SUMO3: variants seen among roughly 807,000 people sequenced by gnomAD.
SUMO3 encodes small ubiquitin like modifier 3, also known as small ubiquitin-related modifier 3.
SUMO3 carries 2 observed loss-of-function variants against 11.1 expected under a neutral mutation model. The ratio of observed to expected loss-of-function variants is 0.18; its 90% CI spans 0.07 to 0.57. The LOEUF (loss-of-function observed/expected upper bound fraction) is 0.57. SUMO3 is among the 20% of genes least tolerant of loss of function. The pLI, the probability that SUMO3 is intolerant of heterozygous loss-of-function variation, is 0.92. For synonymous variants in SUMO3, 56 were observed against 53.5 expected, an observed-to-expected ratio of 1.05 and a Z score of -0.20; for missense variants, 70 against 132.8, an observed-to-expected ratio of 0.53 and a Z score of 2.32.
At chr21:44,812,759 G>C (rs927336237) in intron 2 of SUMO3, among the ~76,000 whole-genome samples, 1 of 151,944 alleles carries the variant, frequency 6.6e-6, no homozygotes, top group Non-Finnish European at 1.5e-5. Flanking sequence ...GAAGGGCAGA[G>C]CCCCCCCCAC....
rs2083185101 is a variant in SUMO3 at position 44,807,567 on chromosome 21, C to A, written c.223-527G>T. Among the ~76,000 whole-genome samples the A allele has an allele frequency of 6.6e-6, 1 of 152,058 alleles. No individual in the cohort carries two copies. Among genetic ancestry groups the A allele is most frequent in the Non-Finnish European group, 1.5e-5 (1 of 67,992 alleles). The stretch of plus-strand genomic sequence containing the variant: ...AAAGCCCAGGCAAGGTAGTGAAACA[C>A]CCCCGCTCACTTCTCTCCTCCTGAC... On this transcript the variant is annotated intron_variant, in intron 3 of 3. Transcript: ENST00000332859. The surrounding 1 kb of genome is among the most constrained non-coding windows in gnomAD (Gnocchi z 4.3).
chr21:44,809,538 C>G (rs906504128), intron 2 of SUMO3, among the ~76,000 whole-genome samples: 3 of 152,232 alleles, frequency 2.0e-5, no homozygotes, highest in Non-Finnish European at 4.4e-5. Flanking sequence ...AGAAGGAAAG[C>G]CGACTTACAT....
chr21:44,817,490 C>T (rs1016142700), intron 1 of SUMO3, among the ~76,000 whole-genome samples: 26 of 151,934 alleles, frequency 1.7e-4, no homozygotes, highest in African/African-American at 5.8e-4. Context: ...CGAGCCGACT[C>T]CGTGCACTCG....
rs780800537 is a variant in SUMO3, at chr21:44,806,864, C to A, written c.*87G>T. ...ATCGTGGTGAATGTCCTCGAGTTTC[C>A]GCAGACACCTTTGTGGTCGGCATGG... On this transcript the variant is annotated 3_prime_UTR_variant, in exon 4 of 4. Transcript: ENST00000332859. 5.8e-6 allele frequency: 9 copies of A among 1,561,158 alleles called. No individual in the cohort carries two copies. Among genetic ancestry groups the A allele is most frequent in the African/African-American group, 1.4e-5 (1 of 73,466 alleles).
Position 44,814,102 on chromosome 21 carries a change from C to T in SUMO3, c.24G>A (p.Glu8=), listed in dbSNP as rs1569309249. 6.2e-7 allele frequency: 1 copy of T among 1,613,126 alleles called. No homozygotes were observed. The highest frequency in any genetic ancestry group is 8.5e-7 in the Non-Finnish European group (1 of 1,179,310). MSEEKPK[E]GVKTENDHIN... ...TGTGGTCATTCTCTGTCTTCACACC[C>T]TCCTGCAGAAGACACCAGAGACTGG... The change falls in exon 2 of 4, where the codon GAG becomes GAA. Residue 8 remains glutamate, a splice_region_variant and synonymous_variant. Coordinates refer to ENST00000332859, the MANE Select transcript of SUMO3 (RefSeq NM_006936.3).
At chr21:44,813,535 G>A (rs887950056) in intron 2 of SUMO3, 12 of 384,546 alleles carry the variant, frequency 3.1e-5, no homozygotes, top group Non-Finnish European at 5.2e-5. Flanking sequence ...AAACCACACC[G>A]CACATGAGGG....
At chr21:44,808,610 C>A in intron 3 of SUMO3, 1 of 1,367,752 alleles carries the variant, frequency 7.3e-7, no homozygotes, top group Non-Finnish European at 9.5e-7. Flanking sequence ...TCTGCATGTG[C>A]CTGAGAGAAA....
Position 44,813,489 on chromosome 21 carries a change from A to C in SUMO3, c.150+487T>G, listed in dbSNP as rs111608199. On this transcript the variant is annotated intron_variant, in intron 2 of 3. Transcript: ENST00000332859. ...CTGAAACTGGGGAAGAAGGGGAAAG[A>C]ATCACGCGCTTTCTTGCCTTTCCTA... is the stretch of plus-strand genomic sequence containing the variant. 1.1e-3 allele frequency: 304 copies of C among 269,764 alleles called. 1 individual carries two copies. Among genetic ancestry groups the C allele is most frequent in the African/African-American group, 5.8e-3 (271 of 46,768 alleles). The allele number at this position is 269,764 out of a possible 1,614,324, so 16.7% of individuals were successfully genotyped here.
rs1389690026 is a variant in SUMO3 at position 44,806,146 on chromosome 21, C to T, written c.*805G>A. On this transcript the variant is annotated 3_prime_UTR_variant, in exon 4 of 4. Transcript: ENST00000332859. ...TACTAGAAGAAATCTGAGGCCACAACACCATTACCAAATGAGAAATGTGGG... is the reference window on the plus strand; with the variant it reads ...TACTAGAAGAAATCTGAGGCCACAATACCATTACCAAATGAGAAATGTGGG... 1 of 152,140 alleles carries T rather than the reference C, an allele frequency of 6.6e-6. No individual in the cohort carries two copies. Among genetic ancestry groups the T allele is most frequent in the African/African-American group, 2.4e-5 (1 of 41,400 alleles). 9.4% of individuals were successfully genotyped at this position (152,140 alleles called of 1,614,324 possible).
chr21:44,814,206 A>G, intron 1 of SUMO3, 102 bp from the exon 2 acceptor site: 1 of 1,451,648 alleles, frequency 6.9e-7, no homozygotes, highest in Non-Finnish European at 9.4e-7. Flanking sequence ...AAAGTCATCA[A>G]AACCAACCTA....
chr21:44,814,139 T>C, intron 1 of SUMO3, 35 bp from the exon 2 acceptor site: 1 of 1,595,160 alleles, frequency 6.3e-7, no homozygotes, highest in Non-Finnish European at 8.6e-7. Flanking sequence ...CTCAAAACTG[T>C]GTCTCAAAAT....
Position 44,807,035 on chromosome 21 carries a change from C to A in SUMO3, c.228G>T (p.Glu76Asp). The A allele has an allele frequency of 6.2e-7, 1 of 1,613,922 alleles. No individual in the cohort carries two copies. The highest frequency in any genetic ancestry group is 1.7e-5 in the Admixed American group (1 of 60,018). The change falls in exon 4 of 4, where the codon GAG (glutamate) becomes GAT (aspartate). Residue 76 changes from glutamate to aspartate, a missense_variant. By Grantham distance (45) the Glu-to-Asp change is conservative. Coordinates refer to ENST00000332859, the MANE Select transcript of SUMO3 (RefSeq NM_006936.3). This position sits in a 1 kb window ranked among gnomAD's most constrained non-coding sequence, Gnocchi z 4.3. ...INETDTPAQL[E>D]MEDEDTIDVF... Reference sequence around the variant, plus strand: ...CGTCGATGGTGTCCTCGTCCTCCATCTCCAGCTGTCATGGTTGTCACAACA... The same window carrying A: ...CGTCGATGGTGTCCTCGTCCTCCATATCCAGCTGTCATGGTTGTCACAACA...
In SUMO3 at chr21:44,811,059, CACAT is replaced by C. The variant is rs1297132996; in HGVS notation, c.151-1945_151-1942del. Among the ~76,000 whole-genome samples, 1 of 149,248 alleles carries C rather than the reference CACAT, an allele frequency of 6.7e-6. No individual in the cohort carries two copies. Among genetic ancestry groups the C allele is most frequent in the Non-Finnish European group, 1.5e-5 (1 of 67,098 alleles). ...CCACATACACACACGCACACACCCA[CACAT>C]ACACACACACGAATGCACACATGCA... On this transcript the variant is annotated intron_variant, in intron 2 of 3. Transcript: ENST00000332859. The surrounding 1 kb of genome is among the most constrained non-coding windows in gnomAD (Gnocchi z 5.0).
rs1569308272 is a variant in SUMO3 at position 44,811,039 on chromosome 21, T to TACACACACGCACACACCCACAC, written c.151-1943_151-1922dup. 1.3e-5 allele frequency among the ~76,000 whole-genome samples: 1 copy of TACACACACGCACACACCCACAC among 76,790 alleles called. No individual in the cohort carries two copies. Among genetic ancestry groups the TACACACACGCACACACCCACAC allele is most frequent in the East Asian group, 3.3e-4 (1 of 3,042 alleles). 50.4% of individuals were successfully genotyped at this position (76,790 alleles called of 152,430 possible). ...ATATGCACACACGCACACACCCACA[T>TACACACACGCACACACCCACAC]ACACACACGCACACACCCACACATA... On this transcript the variant is annotated intron_variant, in intron 2 of 3. Coordinates refer to ENST00000332859, the MANE Select transcript of SUMO3 (RefSeq NM_006936.3). This position sits in a 1 kb window ranked among gnomAD's most constrained non-coding sequence, Gnocchi z 5.0.
intron 1 of SUMO3, among the ~76,000 whole-genome samples, chr21:44,814,676 C>T (rs1421571189): frequency 1.3e-5 from 2 of 152,218 alleles, no homozygotes; most frequent in Non-Finnish European, 2.9e-5. Flanking sequence ...GTGGTGATTT[C>T]GGGAATCCAA....
intron 3 of SUMO3, chr21:44,808,373 A>T: frequency 3.6e-6 from 2 of 559,526 alleles, no homozygotes; most frequent in Non-Finnish European, 5.8e-6. Flanking sequence ...ATTAGCCGGG[A>T]GTGGTGGTGG....
intron 3 of SUMO3, 150 bp downstream of exon 3, chr21:44,808,897 A>C: frequency 1.3e-6 from 1 of 744,942 alleles, no homozygotes. Context: ...TTAAATTTAA[A>C]ATGTGAAAAA....
At chr21:44,813,569 AGCTCATAC>A (rs2083225642) in intron 2 of SUMO3, 2 of 487,152 alleles carry the variant, frequency 4.1e-6, no homozygotes, top group African/African-American at 3.9e-5. Context: ...GGGTCAGGCC[AGCTCATAC>A]GCGAGGACAG....
rs146097096 is a variant in SUMO3 at position 44,807,181 on chromosome 21, C to G, written c.223-141G>C. The G allele has an allele frequency of 1.0e-3, 1,027 of 1,011,446 alleles. 14 individuals carry two copies. The South Asian group carries it at 0.012, about 12-fold the overall frequency. 62.7% of individuals were successfully genotyped at this position (1,011,446 alleles called of 1,614,324 possible). ...GGTCACACCTTGGCTCTTGTCCGTCCCCTCACTGCAGCTCAGCACGCATGG... is the reference window on the plus strand; with the variant it reads ...GGTCACACCTTGGCTCTTGTCCGTCGCCTCACTGCAGCTCAGCACGCATGG... On this transcript the variant is annotated intron_variant, in intron 3 of 3. Coordinates refer to ENST00000332859, the MANE Select transcript of SUMO3 (RefSeq NM_006936.3). This position sits in a 1 kb window ranked among gnomAD's most constrained non-coding sequence, Gnocchi z 4.3.
Sources: gnomAD v4.1 joint callset for allele counts (sites outside exome capture counted in the v4.1 genomes callset) on GRCh38, gnomAD v4.1.1 for gene constraint, Gnocchi (gnomAD v3.1) non-coding constraint, MANE v1.5 for transcripts, NCBI Gene and HGNC (gene_info 2026-07-23, HGNC 2026-07-21) for gene names.